SBNO1: variants seen among roughly 807,000 people sequenced by gnomAD.
SBNO1 encodes protein strawberry notch homolog 1.
A neutral mutation model predicts 173.6 loss-of-function variants in SBNO1; 23 were observed. That is an observed-to-expected ratio of 0.13 (90% CI 0.10 to 0.19). The LOEUF is 0.19. Ranked by LOEUF, SBNO1 falls within the 10% of genes least tolerant of loss-of-function variation. The pLI, the probability that SBNO1 is intolerant of heterozygous loss-of-function variation, is 1.00. For missense variants in SBNO1, 1,238 were observed against 1,671.2 expected, an observed-to-expected ratio of 0.74 and a Z score of 4.52; for synonymous variants, 632 against 571.5, an observed-to-expected ratio of 1.11 and a Z score of -1.51.
chr12:123,315,484 T>C (rs755711792), intron 22 of SBNO1, 40 bp from the exon 23 acceptor site: 4 of 1,590,290 alleles, frequency 2.5e-6, no homozygotes, highest in Non-Finnish European at 3.5e-6. Flanking sequence ...ACAGGTAACC[T>C]TTTACCAGAA....
At chr12:123,324,851 GGGAGT>G (rs769933876) in intron 15 of SBNO1, among the ~76,000 whole-genome samples, 7 of 151,634 alleles carry the variant, frequency 4.6e-5, no homozygotes, top group African/African-American at 9.7e-5. Flanking sequence ...CCGCCCAGAG[GGGAGT>G]GGAGTGGAGT....
At position 123,331,280 on chromosome 12, in the gene SBNO1, G is replaced by T; in HGVS notation, c.1005C>A (p.Ile335=). Residue 335 remains isoleucine, a synonymous_variant, in exon 8 of 32, where the codon ATC becomes ATA. Transcript: ENST00000602398. ...TTCTACTCAACAAATAATTTTCATA[G>T]ATGATTCCTGCTATCGTCCTTCCTT... The part of the protein sequence containing the change: ...VGKGRTIAGI[I]YENYLLSRKR... 1 of 1,614,018 alleles carries T rather than the reference G, an allele frequency of 6.2e-7. No individual in the cohort carries two copies. Among genetic ancestry groups the T allele is most frequent in the Middle Eastern group, 1.6e-4 (1 of 6,062 alleles).
chr12:123,327,152 G>A (rs1158226639), intron 13 of SBNO1, among the ~76,000 whole-genome samples: 7 of 152,042 alleles, frequency 4.6e-5, no homozygotes, highest in East Asian at 1.9e-4. Flanking sequence ...CACTACAGGC[G>A]CACACCACCA....
At chr12:123,309,063 C>T (rs2048991858) in intron 28 of SBNO1, among the ~76,000 whole-genome samples, 1 of 145,662 alleles carries the variant, frequency 6.9e-6, no homozygotes. Context: ...AAGAGCGAAA[C>T]TCTGTCTCAG....
intron 1 of SBNO1, among the ~76,000 whole-genome samples, chr12:123,352,603 T>C (rs796234356): frequency 2.3e-4 from 35 of 152,276 alleles, no homozygotes; most frequent in African/African-American, 8.2e-4. Context: ...TGAGCATGAC[T>C]TCTAGCATGT....
intron 20 of SBNO1, among the ~76,000 whole-genome samples, chr12:123,319,383 A>G (rs1226998604): frequency 6.6e-6 from 1 of 152,212 alleles, no homozygotes; most frequent in East Asian, 1.9e-4. Flanking sequence ...TAAAATAATA[A>G]AAACATGCAA....
intron 15 of SBNO1, among the ~76,000 whole-genome samples, chr12:123,325,030 C>T (rs543268503): frequency 1.8e-4 from 28 of 152,216 alleles, no homozygotes; most frequent in African/African-American, 6.7e-4. Flanking sequence ...AGGCTGGTCT[C>T]AAACTACTGA....
intron 1 of SBNO1, 163 bp downstream of exon 1, chr12:123,364,538 G>C (rs1184054028): frequency 2.0e-6 from 2 of 983,628 alleles, no homozygotes; most frequent in African/African-American, 1.7e-5. Flanking sequence ...GAGGGCCCCG[G>C]AGCGCGCGGC....
intron 30 of SBNO1, among the ~76,000 whole-genome samples, chr12:123,299,598 G>A (rs1045289981): frequency 9.7e-5 from 14 of 144,488 alleles, no homozygotes; most frequent in Admixed American, 1.5e-4. Context: ...GAAGAATGGC[G>A]TAAACCTCAG....
rs1378125032 is a variant in SBNO1 at position 123,315,605 on chromosome 12, A to C, written c.2991T>G (p.Ser997=). ...CAAATCTTTGTTCTCCTGCCAGTTCAGATATCAGAAAGACATACTCAGGAG... is the reference window on the plus strand; with the variant it reads ...CAAATCTTTGTTCTCCTGCCAGTTCCGATATCAGAAAGACATACTCAGGAG... The part of the protein sequence containing the change: ...VTAPEYVFLI[S]ELAGEQRFAS... The change falls in exon 22 of 32, where the codon TCT becomes TCG. Residue 997 remains serine (S), a synonymous_variant. Transcript: ENST00000602398. 9 of 1,613,914 alleles carry C rather than the reference A, an allele frequency of 5.6e-6. No individual in the cohort carries two copies. In the East Asian group the frequency reaches 8.9e-5, roughly 16 times the overall value.
chr12:123,363,444 A>G (rs1875635652), intron 1 of SBNO1, among the ~76,000 whole-genome samples: 1 of 152,178 alleles, frequency 6.6e-6, no homozygotes, highest in African/African-American at 2.4e-5. Context: ...ACTCCGGATG[A>G]CAGTTCTCTG....
At chr12:123,327,839 T>C (rs772473256) in intron 11 of SBNO1, 27 bp from the exon 12 acceptor site, 1 of 1,603,794 alleles carries the variant, frequency 6.2e-7, no homozygotes, top group Admixed American at 1.7e-5. Flanking sequence ...TGAAATATAT[T>C]ATAGTTGAAA....
intron 21 of SBNO1, among the ~76,000 whole-genome samples, chr12:123,316,295 G>A (rs1317270243): frequency 6.6e-6 from 1 of 152,128 alleles, no homozygotes; most frequent in Non-Finnish European, 1.5e-5. Flanking sequence ...TGTGATCTTG[G>A]CTCACTGCAA....
At chr12:123,323,547 G>A in intron 16 of SBNO1, 133 bp downstream of exon 16, 1 of 479,148 alleles carries the variant, frequency 2.1e-6, no homozygotes, top group Non-Finnish European at 3.5e-6. Flanking sequence ...GTAGAGATGG[G>A]GTTTCACCGT....
At chr12:123,305,168 C>G (rs532932636) in intron 28 of SBNO1, among the ~76,000 whole-genome samples, 61 of 152,292 alleles carry the variant, frequency 4.0e-4, no homozygotes, top group African/African-American at 1.2e-3. Context: ...TTAAACATTT[C>G]TCAGTAAAAT....
chr12:123,313,659 C>T lies in SBNO1; in HGVS notation c.3181G>A (p.Val1061Ile), dbSNP rs1050481128. 5.6e-6 allele frequency: 9 copies of T among 1,606,890 alleles called. No homozygotes were observed. Among genetic ancestry groups the T allele is most frequent in the African/African-American group, 1.3e-5 (1 of 74,872 alleles). The part of the protein sequence containing the change: ...KSIVNLDSPM[V>I]SPPPDYPGEF... ...CCAGGATAGTCTGGAGGTGGTGATA[C>T]CATAGGAGAATCCAAGTTTACAATG... Residue 1061 changes from valine (V) to isoleucine (I), a missense_variant, in exon 24 of 32, where the codon GTA becomes ATA. Coordinates refer to ENST00000602398, the MANE Select transcript of SBNO1 (RefSeq NM_001167856.3).
intron 1 of SBNO1, among the ~76,000 whole-genome samples, chr12:123,351,748 A>G (rs1178131325): frequency 2.6e-5 from 4 of 152,238 alleles, no homozygotes; most frequent in South Asian, 4.1e-4. Context: ...GAGATGTATT[A>G]TAACTGCATG....
intron 4 of SBNO1, among the ~76,000 whole-genome samples, chr12:123,342,654 A>C (rs998905513): frequency 2.0e-5 from 3 of 152,200 alleles, no homozygotes; most frequent in African/African-American, 7.2e-5. Flanking sequence ...ACTGGTTTTC[A>C]AACTCTTTTA....
chr12:123,339,149 T>G (rs1010516041), intron 5 of SBNO1, among the ~76,000 whole-genome samples: 4 of 152,284 alleles, frequency 2.6e-5, no homozygotes, highest in Admixed American at 2.0e-4. Flanking sequence ...CCAGTAGCAC[T>G]ATTGTTCTCC....
Sources: allele counts gnomAD v4.1 joint callset (sites outside exome capture counted in the v4.1 genomes callset), GRCh38; gene constraint gnomAD v4.1.1; transcripts MANE v1.5; gene names NCBI Gene and HGNC (gene_info 2026-07-23, HGNC 2026-07-21).